BRINP3: variants seen among roughly 807,000 people sequenced by gnomAD.
The protein encoded by BRINP3 is BMP/retinoic acid-inducible neural-specific protein 3.
BRINP3 carries 19 observed loss-of-function variants against 71.0 expected under a neutral mutation model. That is an observed-to-expected ratio of 0.27 (90% CI 0.19 to 0.39). BRINP3 has a LOEUF of 0.39. Ranked by LOEUF, BRINP3 falls within the 10% of genes least tolerant of loss-of-function variation. The probability of loss-of-function intolerance (pLI) is 1.00; values close to 1 mark genes in which losing one functional copy is unlikely to be tolerated. For synonymous variants in BRINP3, 380 were observed against 337.7 expected (o/e 1.13, Z -1.37); for missense variants, 959 against 940.8 (o/e 1.02, Z -0.25).
intron 2 of BRINP3, among the ~76,000 whole-genome samples, chr1:190,301,208 T>TACACACAC (rs1558160682): frequency 1.4e-4 from 5 of 35,040 alleles, no homozygotes; most frequent in Non-Finnish European, 2.7e-4. Context: ...CACATACATA[T>TACACACAC]ATATATATAT....
intron 2 of BRINP3, among the ~76,000 whole-genome samples, chr1:190,319,481 G>A (rs993488448): frequency 2.6e-5 from 4 of 152,046 alleles, no homozygotes; most frequent in African/African-American, 9.7e-5. Context: ...AGAAACATTT[G>A]AGGCTGGGTA....
chr1:190,451,509 G>A (rs1675604947), intron 2 of BRINP3, among the ~76,000 whole-genome samples: 2 of 152,070 alleles, frequency 1.3e-5, no homozygotes, highest in Admixed American at 1.3e-4. Flanking sequence ...CCTGTTCTAT[G>A]CGGCAGAGTA....
Position 190,444,239 on chromosome 1 carries a change from CAAAAAAAAAAAAAAAA to C in BRINP3, c.236+10400_236+10415del, listed in dbSNP as rs764014934. On this transcript the variant is annotated intron_variant, in intron 2 of 7. Coordinates refer to ENST00000367462, the MANE Select transcript of BRINP3 (RefSeq NM_199051.3). ...GGGCAACAAGAGCAAAACTCCGTCT[CAAAAAAAAAAAAAAAA>C]AAAAAAAAAAAAAAAATCCCTTTGT... 4.8e-4 allele frequency among the ~76,000 whole-genome samples: 27 copies of C among 56,324 alleles called. 1 individual carries two copies. The East Asian group carries it at 0.017, about 36-fold the overall frequency. 37.0% of individuals were successfully genotyped at this position (56,324 alleles called of 152,430 possible).
chr1:190,271,397 G>A (rs1274830759), intron 3 of BRINP3, among the ~76,000 whole-genome samples: 1 of 151,562 alleles, frequency 6.6e-6, no homozygotes, highest in South Asian at 2.1e-4. Flanking sequence ...AAGAGCAGTT[G>A]TAAGCTGAAA....
chr1:190,128,593 C>A (rs1230476108), intron 7 of BRINP3, among the ~76,000 whole-genome samples: 1 of 151,642 alleles, frequency 6.6e-6, no homozygotes, highest in Admixed American at 6.6e-5. Context: ...CAATATCTGA[C>A]AAAAATGGTA....
At chr1:190,316,824 G>A (rs1665911874) in intron 2 of BRINP3, among the ~76,000 whole-genome samples, 2 of 152,042 alleles carry the variant, frequency 1.3e-5, no homozygotes, top group African/African-American at 4.8e-5. Context: ...AGACAACCAA[G>A]AAAAAGAGTA....
At chr1:190,477,245 A>G (rs1292408728) in intron 1 of BRINP3, among the ~76,000 whole-genome samples, 1 of 152,174 alleles carries the variant, frequency 6.6e-6, no homozygotes, top group Non-Finnish European at 1.5e-5. Context: ...GGGGTAATAC[A>G]TGGGATATTG....
intron 1 of BRINP3, among the ~76,000 whole-genome samples, chr1:190,474,116 TTTC>T (rs1303449623): frequency 6.6e-6 from 1 of 152,196 alleles, no homozygotes; most frequent in African/African-American, 2.4e-5. Context: ...AGATTATACA[TTTC>T]TTCTTCTAAC....
intron 2 of BRINP3, among the ~76,000 whole-genome samples, chr1:190,312,305 AT>A (rs1312049928): frequency 2.0e-5 from 3 of 151,234 alleles, no homozygotes; most frequent in Admixed American, 1.3e-4. Context: ...ATATGCATGT[AT>A]CTGAAAAAGC....
chr1:190,221,244 A>C (rs1656866671), intron 6 of BRINP3, among the ~76,000 whole-genome samples: 1 of 152,022 alleles, frequency 6.6e-6, no homozygotes, highest in African/African-American at 2.4e-5. Flanking sequence ...AAAAAAGTAA[A>C]CTGGGGCAAC....
intron 4 of BRINP3, among the ~76,000 whole-genome samples, chr1:190,239,433 A>C (rs986824639): frequency 6.6e-6 from 1 of 152,120 alleles, no homozygotes; most frequent in Non-Finnish European, 1.5e-5. Context: ...ACTTCCATTA[A>C]TATAAAGCTC....
rs750701074 is a variant in BRINP3 at position 190,264,969 on chromosome 1, C to A, written c.514G>T (p.Val172Phe). The A allele has an allele frequency of 6.2e-7, 1 of 1,612,082 alleles. No individual in the cohort carries two copies. Among genetic ancestry groups the A allele is most frequent in the Non-Finnish European group, 8.5e-7 (1 of 1,179,292 alleles). Reference protein sequence around the residue: ...GSDSTTNSSSVTLETLHQLAA... With the variant: ...GSDSTTNSSSFTLETLHQLAA... ...AGCTGATGTAGCGTCTCCAGAGTGA[C>A]CGAAGAGCTATTGGTGGTGGAATCA... The change falls in exon 4 of 8, where the codon GTC becomes TTC. Residue 172 changes from valine to phenylalanine, a missense_variant. Transcript: ENST00000367462.
chr1:190,366,387 G>A (rs1015716679), intron 2 of BRINP3, among the ~76,000 whole-genome samples: 2 of 152,086 alleles, frequency 1.3e-5, no homozygotes, highest in Non-Finnish European at 2.9e-5. Context: ...CAGCATGAGG[G>A]TAACTGCCCC....
chr1:190,151,659 C>G (rs1334395661), intron 7 of BRINP3, among the ~76,000 whole-genome samples: 1 of 152,070 alleles, frequency 6.6e-6, no homozygotes, highest in Non-Finnish European at 1.5e-5. Context: ...CTGGCCCTAT[C>G]AAATTAGAAT....
At chr1:190,227,737 A>G (rs1225032656) in intron 5 of BRINP3, among the ~76,000 whole-genome samples, 1 of 151,898 alleles carries the variant, frequency 6.6e-6, no homozygotes, top group African/African-American at 2.4e-5. Context: ...ACAGATAAAA[A>G]GCTGGGTTAT....
At chr1:190,365,806 GTATA>G (rs66540359) in intron 2 of BRINP3, among the ~76,000 whole-genome samples, 35,670 of 127,696 alleles carry the variant, frequency 0.28, 4,965 homozygotes, top group Middle Eastern at 0.31. Flanking sequence ...GAGAGCAAGT[GTATA>G]TATATATATA....
At chr1:190,411,640 T>G (rs562481644) in intron 2 of BRINP3, among the ~76,000 whole-genome samples, 1 of 152,242 alleles carries the variant, frequency 6.6e-6, no homozygotes, top group South Asian at 2.1e-4. Context: ...TTTGAGGAAA[T>G]ATGGTCTATA....
chr1:190,181,134 TA>T (rs1280066250), intron 6 of BRINP3, among the ~76,000 whole-genome samples: 2 of 152,236 alleles, frequency 1.3e-5, no homozygotes, highest in African/African-American at 2.4e-5. Flanking sequence ...TTTGAAAGTG[TA>T]ATACACATGA....
At chr1:190,454,019 C>G (rs1389814744) in intron 2 of BRINP3, among the ~76,000 whole-genome samples, 1 of 152,168 alleles carries the variant, frequency 6.6e-6, no homozygotes, top group Admixed American at 6.5e-5. Context: ...ATCAGGTGAA[C>G]AGGCAACCTT....
Sources: gnomAD v4.1 joint callset for allele counts (sites outside exome capture counted in the v4.1 genomes callset) on GRCh38, gnomAD v4.1.1 for gene constraint, MANE v1.5 for transcripts, NCBI Gene and HGNC (gene_info 2026-07-23, HGNC 2026-07-21) for gene names.